Variants in ERC1 observed in about 807,000 individuals in gnomAD.
ERC1 encodes the protein RAB6 interacting protein 2.
A neutral mutation model predicts 132.0 loss-of-function variants in ERC1; 56 were observed. The ratio of observed to expected loss-of-function variants is 0.42; its 90% CI spans 0.34 to 0.53. The LOEUF is 0.53. ERC1 is among the 20% of genes least tolerant of loss of function. The probability of loss-of-function intolerance (pLI) is 0.03; values close to 1 mark genes in which losing one functional copy is unlikely to be tolerated. For missense variants in ERC1, 1,202 were observed against 1,349.9 expected (o/e 0.89, Z 1.72); for synonymous variants, 478 against 476.1 (o/e 1.00, Z -0.05).
chr12:1,119,140 A>G (rs559778193), intron 7 of ERC1, among the ~76,000 whole-genome samples: 69 of 152,266 alleles, frequency 4.5e-4, no homozygotes, highest in African/African-American at 1.5e-3. Context: ...CTGCCTCCCA[A>G]AGTGCTCGGA....
intron 17 of ERC1, among the ~76,000 whole-genome samples, chr12:1,411,431 C>T (rs140936084): frequency 1.4e-3 from 111 of 79,734 alleles, no homozygotes; most frequent in African/African-American, 4.9e-3. Flanking sequence ...GATCTCTTAA[C>T]GTTGAGCACA....
chr12:1,339,031 C>G (rs1566624860), intron 15 of ERC1, among the ~76,000 whole-genome samples: 2 of 152,250 alleles, frequency 1.3e-5, no homozygotes, highest in African/African-American at 4.8e-5. Context: ...TTTGCACATG[C>G]CAGCAACAGC....
chr12:1,418,633 T>C (rs61913150), intron 17 of ERC1, among the ~76,000 whole-genome samples: 2,624 of 84,502 alleles, frequency 0.031, 148 homozygotes, highest in African/African-American at 0.16. Context: ...CTTTCTTTCT[T>C]TCTTTCTTTC....
chr12:1,404,417 G>C (rs1455075631), intron 16 of ERC1, among the ~76,000 whole-genome samples: 2 of 150,862 alleles, frequency 1.3e-5, no homozygotes, highest in Non-Finnish European at 2.9e-5. Flanking sequence ...TTTGCCACCA[G>C]TTTGATAATG....
chr12:1,315,897 A>T (rs73034910), intron 15 of ERC1, among the ~76,000 whole-genome samples: 8 of 135,818 alleles, frequency 5.9e-5, no homozygotes, highest in East Asian at 2.0e-4. Context: ...AATGGTAAAC[A>T]TTTTTTTTTT....
At chr12:1,468,488 G>A (rs2093791739) in intron 18 of ERC1, among the ~76,000 whole-genome samples, 1 of 152,166 alleles carries the variant, frequency 6.6e-6, no homozygotes, top group Non-Finnish European at 1.5e-5. Context: ...TGTAGTCCCA[G>A]CTACTTGGAA....
intron 12 of ERC1, among the ~76,000 whole-genome samples, chr12:1,190,876 G>A (rs1367847360): frequency 7.0e-6 from 1 of 143,284 alleles, no homozygotes; most frequent in Non-Finnish European, 1.5e-5. Flanking sequence ...TTTGAGGACT[G>A]ATCCTTAAGA....
Position 1,263,084 on chromosome 12 carries a change from A to G in ERC1, c.2538A>G (p.Leu846=), listed in dbSNP as rs1295436864. Residue 846 remains leucine, a synonymous_variant, in exon 14 of 19, where the codon CTA becomes CTG. Coordinates refer to ENST00000360905, the MANE Select transcript of ERC1 (RefSeq NM_178040.4). ...GGATTGAAGAGCTGGAAGAAGCACT[A>G]AGAGAAAGTGTACAGATAACTGCAG... is the stretch of plus-strand genomic sequence containing the variant. ...DDRIEELEEA[L]RESVQITAER... 4 of 1,613,948 alleles carry G rather than the reference A, an allele frequency of 2.5e-6. No individual in the cohort carries two copies. Among genetic ancestry groups the G allele is most frequent in the Non-Finnish European group, 3.4e-6 (4 of 1,179,934 alleles).
In ERC1 at chr12:1,302,780, A is replaced by G. The variant is rs572146648; in HGVS notation, c.2780+12768A>G. On this transcript the variant is annotated intron_variant, in intron 15 of 18. Transcript: ENST00000360905. ...CAGGAGTTCAGGACCAGCCTGGGCA[A>G]CATAGAACCTGTCGCTACAAAAAAA... is the stretch of plus-strand genomic sequence containing the variant. Among the ~76,000 whole-genome samples, 14 of 152,242 alleles carry G rather than the reference A, an allele frequency of 9.2e-5. No homozygotes were observed. The South Asian group carries it at 2.9e-3, about 32-fold the overall frequency.
chr12:1,001,269 G>C (rs1962206939), intron 1 of ERC1, among the ~76,000 whole-genome samples: 1 of 152,092 alleles, frequency 6.6e-6, no homozygotes, highest in South Asian at 2.1e-4. Context: ...TTTTGTCTAG[G>C]CTGGCATCGA....
chr12:1,204,813 G>T (rs1015181468), intron 12 of ERC1, among the ~76,000 whole-genome samples: 1 of 152,164 alleles, frequency 6.6e-6, no homozygotes, highest in African/African-American at 2.4e-5. Context: ...TTGTGTTAAT[G>T]TAATTGAACA....
At chr12:1,295,173 C>T (rs1008498738) in intron 15 of ERC1, among the ~76,000 whole-genome samples, 3 of 152,180 alleles carry the variant, frequency 2.0e-5, no homozygotes, top group African/African-American at 7.2e-5. Flanking sequence ...ACATTTACAA[C>T]TGAAAATCCA....
chr12:1,139,326 G>C (rs958214326), intron 7 of ERC1, among the ~76,000 whole-genome samples: 1 of 152,084 alleles, frequency 6.6e-6, no homozygotes, highest in African/African-American at 2.4e-5. Context: ...TTATTAGATC[G>C]ACTGTTGCAG....
At chr12:1,006,637 C>G (rs925016832) in intron 1 of ERC1, among the ~76,000 whole-genome samples, 1 of 150,942 alleles carries the variant, frequency 6.6e-6, no homozygotes, top group South Asian at 2.1e-4. Context: ...CTCAAGTGAT[C>G]CCCTCACCTT....
At chr12:1,402,034 T>C (rs1307228199) in intron 16 of ERC1, among the ~76,000 whole-genome samples, 1 of 152,126 alleles carries the variant, frequency 6.6e-6, no homozygotes, top group Non-Finnish European at 1.5e-5. Context: ...GAAGGACCAA[T>C]ATTGCAAAAT....
chr12:1,309,105 C>CAATTTTT (rs2081096538), intron 15 of ERC1, among the ~76,000 whole-genome samples: 1 of 152,218 alleles, frequency 6.6e-6, no homozygotes. Flanking sequence ...GCCTCTGGAA[C>CAATTTTT]TGTGAGAAGT....
At chr12:1,379,462 T>C (rs2088360685) in intron 16 of ERC1, among the ~76,000 whole-genome samples, 1 of 152,210 alleles carries the variant, frequency 6.6e-6, no homozygotes, top group Non-Finnish European at 1.5e-5. Context: ...TCAGAATCTT[T>C]CCAGGTCTTC....
intron 2 of ERC1, among the ~76,000 whole-genome samples, chr12:1,072,770 G>A (rs768765246): frequency 1.3e-5 from 2 of 152,182 alleles, no homozygotes; most frequent in Non-Finnish European, 2.9e-5. Flanking sequence ...TCGGCTCACT[G>A]CAAGCTCTGC....
intron 17 of ERC1, among the ~76,000 whole-genome samples, chr12:1,416,388 C>T (rs997110886): frequency 6.6e-6 from 1 of 152,038 alleles, no homozygotes; most frequent in African/African-American, 2.4e-5. Context: ...CAAGGAGGTT[C>T]CAACCTAAGA....
Sources: gnomAD v4.1 joint callset for allele counts (sites outside exome capture counted in the v4.1 genomes callset) on GRCh38, gnomAD v4.1.1 for gene constraint, MANE v1.5 for transcripts, NCBI Gene and HGNC (gene_info 2026-07-23, HGNC 2026-07-21) for gene names.